PTGR1: variants seen among roughly 807,000 people sequenced by gnomAD.
PTGR1 encodes the protein 15-oxoprostaglandin 13-reductase.
In PTGR1, 23 loss-of-function variants were observed where a neutral mutation model predicts 37.7. That is an observed-to-expected ratio of 0.61 (90% CI 0.44 to 0.86). The LOEUF (loss-of-function observed/expected upper bound fraction) is 0.86, where lower values mean the gene tolerates loss of function less well. PTGR1 is among the 40% of genes least tolerant of loss of function. PTGR1 has a pLI of 0.00. For missense variants in PTGR1, 351 were observed against 394.3 expected (o/e 0.89, Z 0.93); for synonymous variants, 134 against 140.0 (o/e 0.96, Z 0.30).
chr9:111,568,228 C>A lies in PTGR1; in HGVS notation c.879+1863G>T, dbSNP rs539052093. ...CAAGTAGGGAAGATATTGCTAAATT[C>A]TTTTCCTAGCAAGGAATATTAATAA... On this transcript the variant is annotated intron_variant, in intron 9 of 9. Transcript: ENST00000407693. 7.9e-5 allele frequency among the ~76,000 whole-genome samples: 12 copies of A among 152,226 alleles called. No individual in the cohort carries two copies. The East Asian group carries it at 2.3e-3, about 29-fold the overall frequency.
At chr9:111,581,724 A>T (rs1829286126) in intron 6 of PTGR1, among the ~76,000 whole-genome samples, 1 of 152,166 alleles carries the variant, frequency 6.6e-6, no homozygotes, top group South Asian at 2.1e-4. Context: ...CTCTTGCCTC[A>T]GCCAGAATTC....
chr9:111,560,944 AATAT>A (rs746101013), downstream of PTGR1, among the ~76,000 whole-genome samples: 190 of 31,204 alleles, frequency 6.1e-3, 18 homozygotes, highest in Non-Finnish European at 7.8e-3. Context: ...CTCCATCTAA[AATAT>A]ATATATATAT....
Position 111,551,400 on chromosome 9 carries a change from G to GTT in PTGR1, c.880-1603_880-1602dup, listed in dbSNP as rs58638722. On this transcript the variant is annotated intron_variant, in intron 9 of 9. Transcript: ENST00000538962. ...TAACTGAATCAAGTATCCAGTTTTTGTTTTTTTTTTTTTTTTTTTTTTTTT... is the reference window on the plus strand; with the variant it reads ...TAACTGAATCAAGTATCCAGTTTTTGTTTTTTTTTTTTTTTTTTTTTTTTTTT... 7.6e-3 allele frequency among the ~76,000 whole-genome samples: 569 copies of GTT among 74,450 alleles called. 4 individuals are homozygous for GTT. Among genetic ancestry groups the GTT allele is most frequent in the Middle Eastern group, 0.016 (1 of 64 alleles). The allele number at this position is 74,450 out of a possible 152,430, so 48.8% of individuals were successfully genotyped here.
Position 111,562,923 on chromosome 9 carries a change from G to GA in PTGR1, c.*197dup. 2 of 1,374,012 alleles carry GA rather than the reference G, an allele frequency of 1.5e-6. No individual in the cohort carries two copies. Among genetic ancestry groups the GA allele is most frequent in the Non-Finnish European group, 1.9e-6 (2 of 1,061,610 alleles). 85.1% of individuals were successfully genotyped at this position (1,374,012 alleles called of 1,614,324 possible). On this transcript the variant is annotated 3_prime_UTR_variant, in exon 10 of 10. Coordinates refer to ENST00000407693, the MANE Select transcript of PTGR1 (RefSeq NM_001146108.2). ...AAGAAGCTGTAGTGAACAGTGAGGT[G>GA]ACTGGTTGTTGTTGACTTTGAAACT...
Position 111,594,120 on chromosome 9 carries a change from A to G in PTGR1, c.152+102T>C, listed in dbSNP as rs538204271. The G allele has an allele frequency of 4.1e-6, 5 of 1,210,252 alleles. No homozygotes were observed. The East Asian group carries it at 9.5e-5, about 23-fold the overall frequency. The allele number at this position is 1,210,252 out of a possible 1,614,324, so 75.0% of individuals were successfully genotyped here. ...ATACTGGCTGGGAGAAACAGAAGGAAAGTGACAATGTTTTAAGTCAGTTGG... is the reference window on the plus strand; with the variant it reads ...ATACTGGCTGGGAGAAACAGAAGGAGAGTGACAATGTTTTAAGTCAGTTGG... On this transcript the variant is annotated intron_variant, in intron 3 of 9. Coordinates refer to ENST00000407693, the MANE Select transcript of PTGR1 (RefSeq NM_001146108.2).
chr9:111,569,658 G>A (rs571772286), intron 9 of PTGR1, among the ~76,000 whole-genome samples: 5 of 152,258 alleles, frequency 3.3e-5, no homozygotes, highest in Non-Finnish European at 4.4e-5. Flanking sequence ...CTAGCTACTC[G>A]GGAGGCTGAG....
chr9:111,568,275 G>A (rs1167881090), intron 9 of PTGR1, among the ~76,000 whole-genome samples: 5 of 152,122 alleles, frequency 3.3e-5, no homozygotes, highest in Non-Finnish European at 5.9e-5. Flanking sequence ...GGGAAGGAAT[G>A]CATTCCTGGG....
intron 1 of PTGR1, among the ~76,000 whole-genome samples, chr9:111,598,007 TTA>T (rs1491274555): frequency 3.4e-5 from 5 of 146,180 alleles, no homozygotes; most frequent in African/African-American, 1.0e-4. Flanking sequence ...TTTTTTTTTT[TTA>T]AATACTTTTT....
intron 9 of PTGR1, among the ~76,000 whole-genome samples, chr9:111,569,707 G>A (rs148140707): frequency 0.017 from 2,531 of 152,306 alleles, 70 homozygotes; most frequent in African/African-American, 0.057. Flanking sequence ...GGAGGTTGCC[G>A]TGAGCTGAGA....
Position 111,578,945 on chromosome 9 carries a change from T to C in PTGR1, c.502A>G (p.Lys168Glu). The change falls in exon 7 of 10, where the codon AAA becomes GAA. Residue 168 changes from lysine (K) to glutamate (E), a missense_variant. Coordinates refer to ENST00000407693, the MANE Select transcript of PTGR1 (RefSeq NM_001146108.2). ...VGQIAKLKGC[K>E]VVGAVGSDEK... ...TCAGACCCTACTGCTCCAACAACTT[T>C]GCAGCCCTAAGTAGAAAAAAAAAAA... 6.3e-7 allele frequency: 1 copy of C among 1,584,076 alleles called. No homozygotes were observed. The highest frequency in any genetic ancestry group is 8.5e-7 in the Non-Finnish European group (1 of 1,171,074).
At chr9:111,557,043 GC>G (rs1476447354) in intron 9 of PTGR1, among the ~76,000 whole-genome samples, 3 of 152,220 alleles carry the variant, frequency 2.0e-5, no homozygotes, top group East Asian at 3.8e-4. Flanking sequence ...GGAAAGGGCT[GC>G]CGCGAAGATC....
chr9:111,552,017 T>G (rs1827977947), intron 9 of PTGR1, among the ~76,000 whole-genome samples: 1 of 152,232 alleles, frequency 6.6e-6, no homozygotes, highest in Non-Finnish European at 1.5e-5. Flanking sequence ...GTTTCTATTG[T>G]AAATAAATTC....
intron 3 of PTGR1, 131 bp downstream of exon 3, chr9:111,594,091 A>T: frequency 1.0e-6 from 1 of 973,902 alleles, no homozygotes; most frequent in Non-Finnish European, 1.6e-6. Context: ...GAATCTTATC[A>T]CTGATACTGG....
intron 9 of PTGR1, among the ~76,000 whole-genome samples, chr9:111,567,337 G>T (rs905353296): frequency 2.0e-5 from 3 of 152,088 alleles, no homozygotes; most frequent in Admixed American, 2.0e-4. Context: ...ATAGGTGCAC[G>T]CCACCATGCC....
At chr9:111,557,481 T>C (rs1828159292) in intron 9 of PTGR1, among the ~76,000 whole-genome samples, 1 of 151,986 alleles carries the variant, frequency 6.6e-6, no homozygotes, top group Non-Finnish European at 1.5e-5. Context: ...AGTCTCGCTC[T>C]GTCTCTCAGG....
At chr9:111,575,084 T>C (rs1829001992) in intron 7 of PTGR1, among the ~76,000 whole-genome samples, 1 of 152,178 alleles carries the variant, frequency 6.6e-6, no homozygotes, top group Admixed American at 6.5e-5. Flanking sequence ...GTGGATCACC[T>C]GAGGTCAGGC....
At chr9:111,566,059 C>T (rs909088613) in intron 9 of PTGR1, among the ~76,000 whole-genome samples, 4 of 151,932 alleles carry the variant, frequency 2.6e-5, no homozygotes, top group Admixed American at 2.0e-4. Context: ...TAAAAATAGC[C>T]GAGAATGGTG....
chr9:111,554,851 A>G (rs1037829521), intron 9 of PTGR1, among the ~76,000 whole-genome samples: 1 of 152,246 alleles, frequency 6.6e-6, no homozygotes, highest in Non-Finnish European at 1.5e-5. Flanking sequence ...TCCAAAGTCT[A>G]ATCTGCTCAG....
chr9:111,564,332 G>T (rs1828457805), intron 9 of PTGR1: 2 of 592,346 alleles, frequency 3.4e-6, no homozygotes, highest in South Asian at 6.0e-5. Context: ...CTGAGACAGG[G>T]TCTCACTCTG....
Sources: allele counts gnomAD v4.1 joint callset (sites outside exome capture counted in the v4.1 genomes callset), GRCh38; gene constraint gnomAD v4.1.1; transcripts MANE v1.5; gene names NCBI Gene and HGNC (gene_info 2026-07-23, HGNC 2026-07-21).